The following CADM2 variants were observed in gnomAD, a reference collection of about 807,000 sequenced individuals.
CADM2 encodes cell adhesion molecule 2.
Under a neutral mutation model 49.8 loss-of-function variants are expected in CADM2, and 12 were observed. The observed-to-expected ratio is 0.24, with a 90% confidence interval of 0.15 to 0.39. CADM2 has a LOEUF of 0.39. CADM2 is among the 10% of genes least tolerant of loss of function. The probability of loss-of-function intolerance (pLI) is 1.00; values close to 1 mark genes in which losing one functional copy is unlikely to be tolerated. For missense variants in CADM2, 378 were observed against 492.3 expected (o/e 0.77, Z 2.20); for synonymous variants, 214 against 175.4 (o/e 1.22, Z -1.74).
intron 8 of CADM2, chr3:86,013,708 G>T (rs1731839379): frequency 6.3e-7 from 1 of 1,599,392 alleles, no homozygotes; most frequent in African/African-American, 1.3e-5. Flanking sequence ...CATAGCCTAA[G>T]AGAGGAATTT....
chr3:85,271,056 G>A (rs573988718), intron 1 of CADM2, among the ~76,000 whole-genome samples: 14 of 151,366 alleles, frequency 9.2e-5, no homozygotes, highest in African/African-American at 3.4e-4. Context: ...CAATCACTCT[G>A]ACTGAAACAC....
chr3:85,016,218 G>A (rs2034241909), intron 1 of CADM2, among the ~76,000 whole-genome samples: 1 of 152,130 alleles, frequency 6.6e-6, no homozygotes, highest in African/African-American at 2.4e-5. Flanking sequence ...CATAACCCAG[G>A]ATTCACAGTG....
At chr3:85,641,599 G>A (rs965023487) in intron 1 of CADM2, among the ~76,000 whole-genome samples, 1 of 152,016 alleles carries the variant, frequency 6.6e-6, no homozygotes, top group African/African-American at 2.4e-5. Flanking sequence ...TAAACCTCTG[G>A]GGGACAGAGA....
intron 1 of CADM2, among the ~76,000 whole-genome samples, chr3:85,484,929 C>T (rs892110012): frequency 1.3e-5 from 2 of 151,810 alleles, no homozygotes; most frequent in African/African-American, 4.8e-5. Context: ...TTTTCCTTCA[C>T]GCAGTTTGCC....
At chr3:85,938,755 G>C (rs1185942560) in intron 7 of CADM2, among the ~76,000 whole-genome samples, 1 of 151,590 alleles carries the variant, frequency 6.6e-6, no homozygotes, top group Admixed American at 6.6e-5. Context: ...AGCTTACTTA[G>C]TATACTTAAT....
chr3:85,496,904 C>T (rs571887940), intron 1 of CADM2, among the ~76,000 whole-genome samples: 2 of 152,110 alleles, frequency 1.3e-5, no homozygotes, highest in Admixed American at 6.5e-5. Flanking sequence ...AGTGCAATGG[C>T]GCCATCTCGG....
chr3:85,557,045 C>T (rs1304346028), intron 1 of CADM2, among the ~76,000 whole-genome samples: 1 of 151,902 alleles, frequency 6.6e-6, no homozygotes, highest in Non-Finnish European at 1.5e-5. Context: ...ATAACAAACA[C>T]AAGAAAAGGA....
chr3:85,212,932 G>A (rs1482357285), intron 1 of CADM2, among the ~76,000 whole-genome samples: 3 of 146,802 alleles, frequency 2.0e-5, no homozygotes, highest in African/African-American at 7.6e-5. Context: ...CCAGACTGGA[G>A]TGCAATGGCG....
chr3:84,966,676 A>G (rs1445202156), intron 1 of CADM2, among the ~76,000 whole-genome samples: 1 of 152,084 alleles, frequency 6.6e-6, no homozygotes, highest in Non-Finnish European at 1.5e-5. Context: ...TCTGCCATAG[A>G]GAGAGGGGGC....
chr3:85,315,503 A>G (rs9990317), intron 1 of CADM2, among the ~76,000 whole-genome samples: 1 of 151,858 alleles, frequency 6.6e-6, no homozygotes, highest in East Asian at 2.0e-4. Flanking sequence ...GTTTAAGCAT[A>G]AAAAAAACTG....
chr3:86,054,524 T>C (rs1218687948), intron 8 of CADM2, among the ~76,000 whole-genome samples: 1 of 152,130 alleles, frequency 6.6e-6, no homozygotes, highest in African/African-American at 2.4e-5. Context: ...ATCAGATGTA[T>C]TTATACACAT....
At chr3:85,410,347 A>G (rs2035598057) in intron 1 of CADM2, among the ~76,000 whole-genome samples, 1 of 152,178 alleles carries the variant, frequency 6.6e-6, no homozygotes, top group Non-Finnish European at 1.5e-5. Flanking sequence ...ACTATTAGGT[A>G]AATTCACTCT....
At chr3:85,851,755 A>C (rs1253251873) in intron 3 of CADM2, among the ~76,000 whole-genome samples, 1 of 151,568 alleles carries the variant, frequency 6.6e-6, no homozygotes, top group Non-Finnish European at 1.5e-5. Context: ...ATTCAGAACT[A>C]GACAGAATCT....
chr3:85,813,090 G>T (rs546129077), intron 3 of CADM2, among the ~76,000 whole-genome samples: 2 of 152,222 alleles, frequency 1.3e-5, no homozygotes, highest in East Asian at 3.9e-4. Flanking sequence ...AGGTCCAATG[G>T]TATTTCTAGT....
chr3:85,490,502 T>G (rs1364208755), intron 1 of CADM2, among the ~76,000 whole-genome samples: 1 of 152,122 alleles, frequency 6.6e-6, no homozygotes, highest in African/African-American at 2.4e-5. Context: ...AAGGATTGCT[T>G]AAGTCCATGA....
At chr3:85,112,857 A>T (rs1184402602) in intron 1 of CADM2, among the ~76,000 whole-genome samples, 2 of 151,906 alleles carry the variant, frequency 1.3e-5, no homozygotes, top group Non-Finnish European at 3.0e-5. Context: ...AATGTATGTA[A>T]TAAGATTAAA....
In CADM2 at chr3:85,347,635, A is replaced by G. The variant is rs551126894; in HGVS notation, c.62-378887A>G. 6.0e-5 allele frequency among the ~76,000 whole-genome samples: 3 copies of G among 49,766 alleles called. No individual in the cohort carries two copies. The Admixed American group carries it at 8.3e-4, about 14-fold the overall frequency. 32.6% of individuals were successfully genotyped at this position (49,766 alleles called of 152,430 possible). A position where few individuals can be genotyped will look rare whatever the true frequency, so the allele number is the denominator to read the frequency against. ...AATATATATACATATATATAAATAT[A>G]TATACATATATATATATTTTTTTTA... is the stretch of plus-strand genomic sequence containing the variant. On this transcript the variant is annotated intron_variant, in intron 1 of 9. Transcript: ENST00000383699.
At chr3:85,003,877 C>T (rs1191788790) in intron 1 of CADM2, among the ~76,000 whole-genome samples, 1 of 152,066 alleles carries the variant, frequency 6.6e-6, no homozygotes, top group Non-Finnish European at 1.5e-5. Flanking sequence ...TAATTTGCCT[C>T]TGTATGTGTG....
At chr3:85,533,421 A>G (rs1297978163) in intron 1 of CADM2, among the ~76,000 whole-genome samples, 2 of 152,106 alleles carry the variant, frequency 1.3e-5, no homozygotes, top group African/African-American at 4.8e-5. Flanking sequence ...CTAACTGAAA[A>G]CCAATTTTTA....
Sources: gnomAD v4.1 joint callset for allele counts (sites outside exome capture counted in the v4.1 genomes callset) on GRCh38, gnomAD v4.1.1 for gene constraint, MANE v1.5 for transcripts, NCBI Gene and HGNC (gene_info 2026-07-23, HGNC 2026-07-21) for gene names.